The following CEMIP2 variants were observed in gnomAD, a reference collection of about 807,000 sequenced individuals.
The protein encoded by CEMIP2 is cell surface hyaluronidase CEMIP2.
A neutral mutation model predicts 146.9 loss-of-function variants in CEMIP2; 79 were observed. That is an observed-to-expected ratio of 0.54 (90% CI 0.45 to 0.65). The LOEUF (loss-of-function observed/expected upper bound fraction) is 0.65, where lower values mean the gene tolerates loss of function less well. Ranked by LOEUF, CEMIP2 falls within the 30% of genes least tolerant of loss-of-function variation. CEMIP2 has a pLI of 0.00. For synonymous variants in CEMIP2, 601 were observed against 606.3 expected, an observed-to-expected ratio of 0.99 and a Z score of 0.13; for missense variants, 1,596 against 1,696.2, an observed-to-expected ratio of 0.94 and a Z score of 1.04.
At chr9:71,715,873 G>A (rs1020194975) in intron 14 of CEMIP2, among the ~76,000 whole-genome samples, 1 of 151,564 alleles carries the variant, frequency 6.6e-6, no homozygotes, top group African/African-American at 2.4e-5. Context: ...CGATCCTCCT[G>A]TCTTGGCCTC....
chr9:71,738,802 A>C (rs1381471771), intron 5 of CEMIP2, among the ~76,000 whole-genome samples: 2 of 152,000 alleles, frequency 1.3e-5, no homozygotes, highest in Non-Finnish European at 1.5e-5. Context: ...AGGCCACTGC[A>C]CTCCAGCCTG....
Position 71,722,507 on chromosome 9 carries a change from T to C in CEMIP2, c.2187A>G (p.Leu729=), listed in dbSNP as rs1330922725. 6.2e-7 allele frequency: 1 copy of C among 1,612,160 alleles called. No individual in the cohort carries two copies. The highest frequency in any genetic ancestry group is 8.5e-7 in the Non-Finnish European group (1 of 1,178,872). Residue 729 remains leucine (L), a synonymous_variant, in exon 12 of 24, where the codon TTA becomes TTG. Transcript: ENST00000377044. ...TTGTTTTGACACCTTTGTCAATAAA[T>C]AAGCCAGCCTGAAAAATATAAATAA... The part of the protein sequence containing the change: ...NRVHSNFKAG[L]FIDKGVKTTN...
chr9:71,689,098 G>A (rs2131849756), intron 22 of CEMIP2, among the ~76,000 whole-genome samples: 1 of 152,280 alleles, frequency 6.6e-6, no homozygotes, highest in East Asian at 1.9e-4. Flanking sequence ...GATTGTTTTA[G>A]GGGAAGTGAG....
chr9:71,759,877 G>A (rs1406475173), intron 1 of CEMIP2, among the ~76,000 whole-genome samples: 2 of 151,810 alleles, frequency 1.3e-5, no homozygotes, highest in African/African-American at 4.8e-5. Context: ...TAGGGGAAAA[G>A]TCTCTCCAGG....
intron 5 of CEMIP2, among the ~76,000 whole-genome samples, chr9:71,739,361 CAAAAAAAAAAAAAAAAA>C (rs71353516): frequency 2.3e-5 from 1 of 42,816 alleles, no homozygotes; most frequent in Admixed American, 4.1e-4. Context: ...GACTCTGTCT[CAAAAAAAAAAAAAAAAA>C]AAAAAAAAAA....
At chr9:71,764,633 T>C (rs1824733336) in intron 1 of CEMIP2, among the ~76,000 whole-genome samples, 1 of 151,994 alleles carries the variant, frequency 6.6e-6, no homozygotes, top group Admixed American at 6.6e-5. Flanking sequence ...ATTACCCCCC[T>C]CCCCACCGCA....
chr9:71,716,596 T>G (rs371660067), intron 13 of CEMIP2, 44 bp from the exon 14 acceptor site: 9 of 1,476,478 alleles, frequency 6.1e-6, no homozygotes, highest in Non-Finnish European at 9.3e-7. Flanking sequence ...TTTACCATAT[T>G]ATGTAAAAAG....
intron 21 of CEMIP2, among the ~76,000 whole-genome samples, chr9:71,690,605 C>T (rs542454992): frequency 5.3e-5 from 8 of 152,312 alleles, no homozygotes; most frequent in African/African-American, 1.9e-4. Flanking sequence ...TGATAGATGG[C>T]TGCCTCTGTA....
intron 20 of CEMIP2, among the ~76,000 whole-genome samples, chr9:71,697,632 G>A (rs1822438102): frequency 6.6e-6 from 1 of 152,002 alleles, no homozygotes; most frequent in Non-Finnish European, 1.5e-5. Flanking sequence ...ACAAAACAAA[G>A]TATCTTTTTT....
At chr9:71,720,882 GAAAT>G (rs1183502162) in intron 12 of CEMIP2, among the ~76,000 whole-genome samples, 1 of 152,046 alleles carries the variant, frequency 6.6e-6, no homozygotes, top group Non-Finnish European at 1.5e-5. Flanking sequence ...ACTAGTAAGA[GAAAT>G]AAATAATGGA....
intron 1 of CEMIP2, among the ~76,000 whole-genome samples, 160 bp from the exon 2 acceptor site, chr9:71,750,545 G>C (rs1824220463): frequency 6.6e-6 from 1 of 151,812 alleles, no homozygotes; most frequent in Non-Finnish European, 1.5e-5. Flanking sequence ...AGGTTCAAGT[G>C]ATTCTCCTGC....
chr9:71,712,882 T>C (rs1822949167), intron 15 of CEMIP2, among the ~76,000 whole-genome samples: 1 of 152,234 alleles, frequency 6.6e-6, no homozygotes, highest in Admixed American at 6.5e-5. Flanking sequence ...AATTAATGTA[T>C]AGGAACTGGT....
chr9:71,748,774 T>C (rs1017697572), intron 2 of CEMIP2, among the ~76,000 whole-genome samples: 3 of 152,210 alleles, frequency 2.0e-5, no homozygotes, highest in South Asian at 4.1e-4. Flanking sequence ...GTCTCTCTCA[T>C]TTGAGGTTTA....
chr9:71,766,368 C>T (rs935468582), intron 1 of CEMIP2, among the ~76,000 whole-genome samples: 3 of 152,156 alleles, frequency 2.0e-5, no homozygotes, highest in African/African-American at 7.2e-5. Context: ...CCAATTGTGC[C>T]CGGCCTAAGT....
chr9:71,764,535 CTTGTT>C (rs1824730689), intron 1 of CEMIP2, among the ~76,000 whole-genome samples: 2 of 152,164 alleles, frequency 1.3e-5, no homozygotes, highest in South Asian at 4.2e-4. Context: ...TCCCAACTTC[CTTGTT>C]TTAATATTAT....
chr9:71,724,644 T>TA (rs1403833420), intron 11 of CEMIP2, among the ~76,000 whole-genome samples: 1 of 152,206 alleles, frequency 6.6e-6, no homozygotes, highest in Admixed American at 6.5e-5. Context: ...CAAATGTATT[T>TA]ATCACCAGGG....
intron 10 of CEMIP2, among the ~76,000 whole-genome samples, chr9:71,728,281 G>GTATATATATA (rs1228923367): frequency 2.2e-4 from 2 of 9,248 alleles, no homozygotes; most frequent in African/African-American, 4.8e-4. Context: ...ATATATATAT[G>GTATATATATA]TATATATATA....
In CEMIP2 at chr9:71,694,597, G is replaced by C; in HGVS notation, c.3608C>G (p.Thr1203Ser). 1 of 1,611,874 alleles carries C rather than the reference G, an allele frequency of 6.2e-7. No individual in the cohort carries two copies. Among genetic ancestry groups the C allele is most frequent in the Non-Finnish European group, 8.5e-7 (1 of 1,178,158 alleles). ...QGCGTRQVVF[T>S]SDPHKSYLPV... is the part of the protein sequence containing the mutation. The stretch of plus-strand genomic sequence containing the variant: ...GAGGTAACTTTTATGAGGATCACTA[G>C]TAAACACCACCTAGACAGAGAAGAA... The change falls in exon 21 of 24, where the codon ACT becomes AGT. Residue 1203 changes from threonine to serine, a missense_variant. By Grantham distance (58) the Thr-to-Ser change is moderately conservative. Transcript: ENST00000377044.
At chr9:71,713,859 T>C (rs1279078443) in intron 15 of CEMIP2, among the ~76,000 whole-genome samples, 1 of 152,172 alleles carries the variant, frequency 6.6e-6, no homozygotes, top group South Asian at 2.1e-4. Flanking sequence ...TAAATAAATA[T>C]ATTTACAACA....
Sources: allele counts gnomAD v4.1 joint callset (sites outside exome capture counted in the v4.1 genomes callset), GRCh38; gene constraint gnomAD v4.1.1; transcripts MANE v1.5; gene names NCBI Gene and HGNC (gene_info 2026-07-23, HGNC 2026-07-21).